ERBB4: variants seen among roughly 807,000 people sequenced by gnomAD.
ERBB4 encodes erb-b2 receptor tyrosine kinase 4.
A neutral mutation model predicts 158.0 loss-of-function variants in ERBB4; 42 were observed. The observed-to-expected ratio is 0.27, with a 90% CI of 0.21 to 0.34. The LOEUF (loss-of-function observed/expected upper bound fraction) is 0.34, where lower values mean the gene tolerates loss of function less well. Ranked by LOEUF, ERBB4 falls within the 10% of genes least tolerant of loss-of-function variation. The probability of loss-of-function intolerance (pLI) is 1.00; values close to 1 mark genes in which losing one functional copy is unlikely to be tolerated. For missense variants in ERBB4, 1,333 were observed against 1,624.1 expected (o/e 0.82, Z 3.08); for synonymous variants, 583 against 558.7 (o/e 1.04, Z -0.61).
rs1253193250 is a variant in ERBB4, at chr2:211,376,548, C to T, written c.*7067G>A. On this transcript the variant is annotated 3_prime_UTR_variant, in exon 28 of 28. Coordinates refer to ENST00000342788, the MANE Select transcript of ERBB4 (RefSeq NM_005235.3). ...GCACCCCAATCCTTTGAAGATACTT[C>T]ACAAGAGAGAGGGCTTGTTTTCTGC... 2 of 232,658 alleles carry T rather than the reference C, an allele frequency of 8.6e-6. No homozygotes were observed. The highest frequency in any genetic ancestry group is 1.7e-5 in the Non-Finnish European group (2 of 117,490). 14.4% of individuals were successfully genotyped at this position (232,658 alleles called of 1,614,324 possible).
At chr2:211,725,053 A>G in intron 6 of ERBB4, 23 bp downstream of exon 6, 1 of 1,472,098 alleles carries the variant, frequency 6.8e-7, no homozygotes, top group South Asian at 1.1e-5. Flanking sequence ...CAGGATAATA[A>G]AAGAGAGAAA....
In ERBB4 at chr2:211,382,980, G is replaced by A. The variant is rs2062598718; in HGVS notation, c.*635C>T. On this transcript the variant is annotated 3_prime_UTR_variant, in exon 28 of 28. Coordinates refer to ENST00000342788, the MANE Select transcript of ERBB4 (RefSeq NM_005235.3). ...AAAACAAAATGAAAAAAACCAAAAA[G>A]TGTTGAAAACATAATTACTAGTTAT... 4.3e-6 allele frequency: 1 copy of A among 232,220 alleles called. No homozygotes were observed. The highest frequency in any genetic ancestry group is 2.2e-5 in the African/African-American group (1 of 45,152). The allele number at this position is 232,220 out of a possible 1,614,324, so 14.4% of individuals were successfully genotyped here. A position where few individuals can be genotyped will look rare whatever the true frequency, so the allele number is the denominator to read the frequency against.
chr2:211,832,149 T>C (rs140214641), intron 3 of ERBB4, among the ~76,000 whole-genome samples: 4 of 152,276 alleles, frequency 2.6e-5, no homozygotes, highest in Non-Finnish European at 4.4e-5. Context: ...ATACCTATCA[T>C]GTCACAGCAT....
rs1416711037 is a variant in ERBB4 at position 211,606,941 on chromosome 2, CAT to C, written c.2301+12234_2301+12235del. Among the ~76,000 whole-genome samples the C allele has an allele frequency of 2.6e-5, 4 of 152,248 alleles. No individual in the cohort carries two copies. The East Asian group carries it at 7.7e-4, about 29-fold the overall frequency. ...TCGCAAGTCTCCCAAAAAGCTTACA[CAT>C]GTTTCCTATGGTGAATTTTCCACAT... On this transcript the variant is annotated intron_variant, in intron 19 of 27. Coordinates refer to ENST00000342788, the MANE Select transcript of ERBB4 (RefSeq NM_005235.3).
At chr2:211,631,369 G>A (rs2070122858) in intron 16 of ERBB4, among the ~76,000 whole-genome samples, 1 of 152,118 alleles carries the variant, frequency 6.6e-6, no homozygotes, top group African/African-American at 2.4e-5. Context: ...TCAGGAGAAA[G>A]ATAAAGAATT....
chr2:212,213,410 T>C (rs990759434), intron 1 of ERBB4, among the ~76,000 whole-genome samples: 2 of 151,884 alleles, frequency 1.3e-5, no homozygotes, highest in African/African-American at 2.4e-5. Flanking sequence ...ACTATTGTCT[T>C]AGAAATGAGT....
intron 1 of ERBB4, among the ~76,000 whole-genome samples, chr2:212,443,358 G>A (rs1277371409): frequency 5.3e-5 from 8 of 152,164 alleles, no homozygotes; most frequent in African/African-American, 1.9e-4. Context: ...GCATACCAGA[G>A]GATGGGAAAT....
At chr2:211,800,097 TAGTA>T (rs995605807) in intron 3 of ERBB4, among the ~76,000 whole-genome samples, 1 of 152,098 alleles carries the variant, frequency 6.6e-6, no homozygotes, top group African/African-American at 2.4e-5. Flanking sequence ...CCCAAAGGCA[TAGTA>T]AGTGAGACAC....
At chr2:212,084,917 C>G (rs1340395775) in intron 2 of ERBB4, among the ~76,000 whole-genome samples, 1 of 151,946 alleles carries the variant, frequency 6.6e-6, no homozygotes, top group Non-Finnish European at 1.5e-5. Context: ...AATTTGAACA[C>G]TACTTCCCCA....
At chr2:211,499,953 G>A (rs1426271766) in intron 20 of ERBB4, among the ~76,000 whole-genome samples, 4 of 151,928 alleles carry the variant, frequency 2.6e-5, no homozygotes, top group African/African-American at 9.7e-5. Flanking sequence ...GATGACAAGA[G>A]AATACTAAAG....
intron 1 of ERBB4, among the ~76,000 whole-genome samples, chr2:212,318,949 C>A (rs1172831282): frequency 6.6e-6 from 1 of 151,516 alleles, no homozygotes; most frequent in East Asian, 2.0e-4. Context: ...CCAATCCTCA[C>A]CATTTTTCAG....
At chr2:211,623,002 T>A (rs1248054852) in intron 18 of ERBB4, among the ~76,000 whole-genome samples, 15 of 12,362 alleles carry the variant, frequency 1.2e-3, no homozygotes, top group African/African-American at 2.9e-3. Context: ...TATATATATA[T>A]ATATATATAT....
chr2:211,810,428 C>T (rs573750003), intron 3 of ERBB4, among the ~76,000 whole-genome samples: 97 of 152,198 alleles, frequency 6.4e-4, no homozygotes, highest in African/African-American at 2.3e-3. Context: ...TGAATTGATC[C>T]CTTTACCATT....
At chr2:211,411,183 A>C (rs1343916428) in intron 25 of ERBB4, among the ~76,000 whole-genome samples, 1 of 152,252 alleles carries the variant, frequency 6.6e-6, no homozygotes, top group Non-Finnish European at 1.5e-5. Flanking sequence ...CTGGGATTAC[A>C]GGCGTGAGCC....
chr2:211,413,351 GATAAAAAAAAAA>G (rs1368194081), intron 25 of ERBB4, among the ~76,000 whole-genome samples: 1 of 100,868 alleles, frequency 9.9e-6, no homozygotes, highest in East Asian at 2.4e-4. Context: ...CACACACATT[GATAAAAAAAAAA>G]ATAAAAAAAC....
At chr2:211,702,213 A>G in intron 11 of ERBB4, 47 bp from the exon 12 acceptor site, 1 of 1,363,838 alleles carries the variant, frequency 7.3e-7, no homozygotes, top group Non-Finnish European at 1.1e-6. Flanking sequence ...CGCATTCCGG[A>G]GTAAAATAAG....
chr2:211,647,521 G>A (rs2070818683), intron 16 of ERBB4, among the ~76,000 whole-genome samples: 1 of 151,570 alleles, frequency 6.6e-6, no homozygotes, highest in African/African-American at 2.4e-5. Flanking sequence ...CTTCTACTGT[G>A]AGAAATCTCA....
At chr2:212,515,483 T>C (rs1691771942) in intron 1 of ERBB4, among the ~76,000 whole-genome samples, 1 of 152,022 alleles carries the variant, frequency 6.6e-6, no homozygotes, top group South Asian at 2.1e-4. Flanking sequence ...ATTCATGCTA[T>C]CATATAAAAC....
At chr2:212,344,648 A>G (rs2088894135) in intron 1 of ERBB4, among the ~76,000 whole-genome samples, 1 of 152,156 alleles carries the variant, frequency 6.6e-6, no homozygotes, top group African/African-American at 2.4e-5. Flanking sequence ...GCATCAGGTA[A>G]TAGAAACCAC....
Sources: allele counts gnomAD v4.1 joint callset (sites outside exome capture counted in the v4.1 genomes callset), GRCh38; gene constraint gnomAD v4.1.1; transcripts MANE v1.5; gene names NCBI Gene and HGNC (gene_info 2026-07-23, HGNC 2026-07-21).